CCDC83: variants seen among roughly 807,000 people sequenced by gnomAD.
CCDC83 encodes coiled-coil domain containing 83.
A neutral mutation model predicts 50.1 loss-of-function variants in CCDC83; 54 were observed. The ratio of observed to expected loss-of-function variants is 1.08; its 90% CI spans 0.87 to 1.35. The LOEUF is 1.35. CCDC83 is among the 40% of genes most tolerant of loss of function. CCDC83 has a pLI of 0.00. For synonymous variants in CCDC83, 161 were observed against 153.3 expected (o/e 1.05, Z -0.37); for missense variants, 518 against 473.9 (o/e 1.09, Z -0.86).
chr11:85,881,851 G>T (rs1405054050), intron 3 of CCDC83, among the ~76,000 whole-genome samples: 1 of 152,184 alleles, frequency 6.6e-6, no homozygotes, highest in Non-Finnish European at 1.5e-5. Flanking sequence ...TGATTATGAT[G>T]TGTCTTAACA....
At chr11:85,912,326 A>G (rs772332659) in intron 8 of CCDC83, among the ~76,000 whole-genome samples, 1 of 152,188 alleles carries the variant, frequency 6.6e-6, no homozygotes, top group Non-Finnish European at 1.5e-5. Flanking sequence ...TTTTCCAGGA[A>G]AGGTGGATAC....
chr11:85,906,036 A>T (rs2135118679), intron 7 of CCDC83, among the ~76,000 whole-genome samples: 1 of 152,086 alleles, frequency 6.6e-6, no homozygotes, highest in East Asian at 1.9e-4. Context: ...ATTAAATACA[A>T]AGTATGATCC....
intron 7 of CCDC83, among the ~76,000 whole-genome samples, chr11:85,907,514 A>C (rs1056010177): frequency 3.3e-5 from 5 of 152,164 alleles, no homozygotes; most frequent in African/African-American, 1.2e-4. Flanking sequence ...TTTAATCAGG[A>C]TCCTAGGTCC....
At chr11:85,872,464 G>T (rs567219175) in intron 2 of CCDC83, among the ~76,000 whole-genome samples, 1 of 151,966 alleles carries the variant, frequency 6.6e-6, no homozygotes, top group Non-Finnish European at 1.5e-5. Context: ...CAGCCTGGGC[G>T]ACAGAGCGAG....
rs181704373 is a variant in CCDC83, at chr11:85,866,826, T to C, written c.95+1608T>C. ...CTGATTTCTGGAAAAGGAACAGGCA[T>C]TATGGAAACTCAGAGCAGTGAAGAG... On this transcript the variant is annotated intron_variant, in intron 2 of 10. Transcript: ENST00000342404. Among the ~76,000 whole-genome samples the C allele has an allele frequency of 3.3e-5, 5 of 152,136 alleles. No individual in the cohort carries two copies. The East Asian group carries it at 9.7e-4, about 29-fold the overall frequency.
At chr11:85,873,341 ACTC>A (rs1329653957) in intron 3 of CCDC83, 46 bp downstream of exon 3, 24 of 723,966 alleles carry the variant, frequency 3.3e-5, no homozygotes, top group Admixed American at 9.2e-5. Context: ...AAATATTTAC[ACTC>A]ATGCTTTAAA....
At chr11:85,878,447 G>C (rs2093280382) in intron 3 of CCDC83, among the ~76,000 whole-genome samples, 1 of 152,142 alleles carries the variant, frequency 6.6e-6, no homozygotes, top group Non-Finnish European at 1.5e-5. Context: ...GTAACCTTTT[G>C]GTACTTGGCT....
intron 7 of CCDC83, among the ~76,000 whole-genome samples, chr11:85,902,941 C>T (rs1375301096): frequency 3.3e-5 from 5 of 152,112 alleles, no homozygotes; most frequent in Admixed American, 6.5e-5. Flanking sequence ...TGAAAAAAAT[C>T]TGCATGTTGG....
chr11:85,872,261 G>A (rs2093242493), intron 2 of CCDC83, among the ~76,000 whole-genome samples: 2 of 152,116 alleles, frequency 1.3e-5, no homozygotes, highest in African/African-American at 4.8e-5. Flanking sequence ...GAAGCGGGCA[G>A]ATCACTTGAG....
chr11:85,870,706 A>G (rs2093232189), intron 2 of CCDC83, among the ~76,000 whole-genome samples: 1 of 152,136 alleles, frequency 6.6e-6, no homozygotes, highest in Non-Finnish European at 1.5e-5. Flanking sequence ...TGCCCTATCT[A>G]CTATAGTAGT....
chr11:85,917,166 G>GAAAGAAAGAAAGAAAGAA (rs59229600), intron 10 of CCDC83, among the ~76,000 whole-genome samples: 679 of 62,158 alleles, frequency 0.011, 5 homozygotes, highest in Non-Finnish European at 0.016. Context: ...GAGAGAGAGA[G>GAAAGAAAGAAAGAAAGAA]AGAAAGAAAG....
intron 1 of CCDC83, among the ~76,000 whole-genome samples, chr11:85,863,198 A>C (rs528562756): frequency 2.5e-4 from 38 of 152,368 alleles, no homozygotes; most frequent in Admixed American, 1.6e-3. Flanking sequence ...ATTATTACTA[A>C]ATGGTAAGTT....
intron 2 of CCDC83, among the ~76,000 whole-genome samples, chr11:85,866,728 G>T (rs1188077947): frequency 1.3e-5 from 2 of 151,996 alleles, no homozygotes; most frequent in African/African-American, 4.8e-5. Flanking sequence ...AAACTGTAGG[G>T]TGCTGTTTAA....
chr11:85,900,475 C>T (rs1447723413), intron 7 of CCDC83, among the ~76,000 whole-genome samples: 2 of 152,168 alleles, frequency 1.3e-5, no homozygotes, highest in African/African-American at 4.8e-5. Context: ...TGCCAGTTCA[C>T]ACCACCTGCC....
intron 7 of CCDC83, among the ~76,000 whole-genome samples, chr11:85,900,947 C>T (rs180956021): frequency 9.3e-4 from 141 of 152,046 alleles, no homozygotes; most frequent in African/African-American, 3.3e-3. Flanking sequence ...CACCTGTAGT[C>T]CCAGCTACTT....
At chr11:85,893,637 C>T (rs958439643) in intron 5 of CCDC83, among the ~76,000 whole-genome samples, 6 of 152,188 alleles carry the variant, frequency 3.9e-5, no homozygotes, top group Admixed American at 1.3e-4. Context: ...GTATTTACAG[C>T]GGCTCTCCAT....
chr11:85,912,237 A>G (rs1456175152), intron 8 of CCDC83, among the ~76,000 whole-genome samples: 1 of 152,176 alleles, frequency 6.6e-6, no homozygotes, highest in African/African-American at 2.4e-5. Flanking sequence ...CCACACAAGT[A>G]GTTCCTATTG....
intron 7 of CCDC83, among the ~76,000 whole-genome samples, chr11:85,904,280 C>T (rs2093415527): frequency 6.6e-6 from 1 of 152,156 alleles, no homozygotes; most frequent in South Asian, 2.1e-4. Flanking sequence ...TTGTACGGTA[C>T]ATCTATCATA....
intron 3 of CCDC83, among the ~76,000 whole-genome samples, chr11:85,879,005 C>T (rs1354112338): frequency 1.4e-5 from 2 of 146,932 alleles, no homozygotes; most frequent in African/African-American, 5.2e-5. Flanking sequence ...TTGAGTTTTA[C>T]GTATATATAT....
Sources: allele counts gnomAD v4.1 joint callset (sites outside exome capture counted in the v4.1 genomes callset), GRCh38; gene constraint gnomAD v4.1.1; transcripts MANE v1.5; gene names NCBI Gene and HGNC (gene_info 2026-07-23, HGNC 2026-07-21).